NME7: variants seen among roughly 807,000 people sequenced by gnomAD.
NME7 encodes NME/NM23 family member 7.
NME7 carries 41 observed loss-of-function variants against 49.1 expected under a neutral mutation model. The observed-to-expected ratio is 0.83, with a 90% CI of 0.65 to 1.08. The LOEUF (loss-of-function observed/expected upper bound fraction) is 1.08. Ranked by LOEUF, NME7 falls within the 50% of genes least tolerant of loss-of-function variation. The pLI, the probability that NME7 is intolerant of heterozygous loss-of-function variation, is 0.00. For missense variants in NME7, 423 were observed against 463.4 expected, an observed-to-expected ratio of 0.91 and a Z score of 0.80; for synonymous variants, 139 against 150.6, an observed-to-expected ratio of 0.92 and a Z score of 0.56.
intron 10 of NME7, among the ~76,000 whole-genome samples, chr1:169,203,936 A>C (rs1660613514): frequency 6.6e-6 from 1 of 152,078 alleles, no homozygotes; most frequent in African/African-American, 2.4e-5. Context: ...AGCTCAGTGC[A>C]GCCTTGACCT....
At chr1:169,277,233 G>A (rs1649772887) in intron 7 of NME7, among the ~76,000 whole-genome samples, 1 of 146,318 alleles carries the variant, frequency 6.8e-6, no homozygotes, top group Non-Finnish European at 1.5e-5. Context: ...TTCAATTCCT[G>A]GGTATGCTTG....
chr1:169,291,491 G>A (rs1394237532), intron 6 of NME7, among the ~76,000 whole-genome samples: 5 of 151,930 alleles, frequency 3.3e-5, no homozygotes, highest in African/African-American at 4.8e-5. Flanking sequence ...ATCACACACC[G>A]TGGCATGTTG....
chr1:169,293,058 G>A (rs1357223632), intron 6 of NME7, among the ~76,000 whole-genome samples: 2 of 152,012 alleles, frequency 1.3e-5, no homozygotes, highest in African/African-American at 2.4e-5. Context: ...CATTTTGGGA[G>A]GCCAAGAAGG....
intron 10 of NME7, among the ~76,000 whole-genome samples, chr1:169,198,781 T>C (rs1441934809): frequency 6.6e-6 from 1 of 152,108 alleles, no homozygotes; most frequent in Non-Finnish European, 1.5e-5. Context: ...TATTCTAAAA[T>C]TGTGGTGATG....
At chr1:169,216,188 T>G (rs1322231135) in intron 10 of NME7, among the ~76,000 whole-genome samples, 3 of 152,240 alleles carry the variant, frequency 2.0e-5, no homozygotes, top group African/African-American at 7.2e-5. Flanking sequence ...TGTATGCTAA[T>G]GAGTTTACTG....
intron 10 of NME7, among the ~76,000 whole-genome samples, chr1:169,214,741 C>T (rs964893219): frequency 2.0e-5 from 3 of 152,336 alleles, no homozygotes; most frequent in African/African-American, 4.8e-5. Flanking sequence ...GGAGGGCATG[C>T]GTAGGTGAGC....
At chr1:169,330,464 G>A (rs1272615987) in intron 1 of NME7, among the ~76,000 whole-genome samples, 1 of 152,124 alleles carries the variant, frequency 6.6e-6, no homozygotes, top group Non-Finnish European at 1.5e-5. Flanking sequence ...AGGATCACGA[G>A]GTCAGGAGTT....
At chr1:169,315,280 T>C (rs377001142) in intron 3 of NME7, among the ~76,000 whole-genome samples, 113 of 151,664 alleles carry the variant, frequency 7.5e-4, no homozygotes, top group African/African-American at 2.6e-3. Context: ...TTTCTTTTTT[T>C]TTGAGATGGA....
chr1:169,172,325 T>C (rs1659624296), intron 10 of NME7, among the ~76,000 whole-genome samples: 1 of 111,836 alleles, frequency 8.9e-6, no homozygotes, highest in Non-Finnish European at 2.0e-5. Context: ...AAAACATACG[T>C]GTGTGTGTGT....
chr1:169,308,480 G>C (rs995438993), intron 4 of NME7, among the ~76,000 whole-genome samples: 14 of 152,156 alleles, frequency 9.2e-5, no homozygotes, highest in African/African-American at 3.1e-4. Context: ...CCTGTCCCTA[G>C]AGACACTCTG....
chr1:169,161,499 C>G lies in NME7; in HGVS notation c.1098+7948G>C, dbSNP rs557717828. Among the ~76,000 whole-genome samples the G allele has an allele frequency of 3.3e-5, 5 of 152,260 alleles. No individual in the cohort carries two copies. In the South Asian group the frequency reaches 1.0e-3, roughly 32 times the overall value. The stretch of plus-strand genomic sequence containing the variant: ...AATCCTTGATTCACTATTTTTTCCC[C>G]CAGAGTGTACCAGAATAAGAATCCA... On this transcript the variant is annotated intron_variant, in intron 11 of 11. Transcript: ENST00000367811.
intron 7 of NME7, among the ~76,000 whole-genome samples, chr1:169,258,425 TAC>T (rs1558011641): frequency 2.3e-5 from 2 of 88,244 alleles, no homozygotes; most frequent in African/African-American, 4.0e-5. Context: ...CACACACACA[TAC>T]ACACACACAT....
At chr1:169,160,688 AC>A (rs149739736) in intron 11 of NME7, among the ~76,000 whole-genome samples, 2,258 of 152,296 alleles carry the variant, frequency 0.015, 56 homozygotes, top group African/African-American at 0.051. Context: ...TTGATATAAG[AC>A]AGGTTAGGTT....
intron 1 of NME7, among the ~76,000 whole-genome samples, chr1:169,342,787 GTATA>G (rs1180670184): frequency 9.1e-5 from 3 of 33,086 alleles, no homozygotes; most frequent in African/African-American, 1.9e-4. Flanking sequence ...TATATATATA[GTATA>G]TATATATACA....
intron 4 of NME7, among the ~76,000 whole-genome samples, chr1:169,304,687 A>G (rs1270107612): frequency 1.5e-4 from 23 of 152,220 alleles, no homozygotes; most frequent in Admixed American, 1.5e-3. Flanking sequence ...ATCGGAAAAG[A>G]ATAAAGTTCA....
intron 1 of NME7, among the ~76,000 whole-genome samples, chr1:169,354,950 A>G (rs1653335633): frequency 2.0e-5 from 1 of 50,884 alleles, no homozygotes; most frequent in Non-Finnish European, 4.4e-5. Flanking sequence ...ATTATATATT[A>G]TATATGTTTA....
chr1:169,281,532 G>T (rs996197104), intron 7 of NME7, among the ~76,000 whole-genome samples: 2 of 152,140 alleles, frequency 1.3e-5, no homozygotes, highest in African/African-American at 2.4e-5. Context: ...TCTTGTGCCG[G>T]TTTTCAAAGG....
intron 3 of NME7, among the ~76,000 whole-genome samples, chr1:169,314,016 TAAGAA>T (rs1445072061): frequency 6.6e-6 from 1 of 152,058 alleles, no homozygotes; most frequent in Non-Finnish European, 1.5e-5. Context: ...ACAACAGAGA[TAAGAA>T]AATAGTTTCA....
intron 7 of NME7, among the ~76,000 whole-genome samples, chr1:169,252,676 A>G (rs1648686318): frequency 6.6e-6 from 1 of 151,914 alleles, no homozygotes; most frequent in Non-Finnish European, 1.5e-5. Context: ...GTTTTCTTCT[A>G]GGGTTTTTAT....
Sources: gnomAD v4.1 joint callset for allele counts (sites outside exome capture counted in the v4.1 genomes callset) on GRCh38, gnomAD v4.1.1 for gene constraint, MANE v1.5 for transcripts, NCBI Gene and HGNC (gene_info 2026-07-23, HGNC 2026-07-21) for gene names.